SPC25: variants seen among roughly 807,000 people sequenced by gnomAD.
SPC25 encodes the protein SPC25 component of NDC80 kinetochore complex.
Under a neutral mutation model 29.6 loss-of-function variants are expected in SPC25, and 22 were observed. The observed-to-expected ratio is 0.74, with a 90% CI of 0.53 to 1.06. The LOEUF is 1.06. Among genes scored for constraint, SPC25 ranks in the 50% least tolerant of loss-of-function variants. SPC25 has a pLI of 0.00. For missense variants in SPC25, 230 were observed against 255.8 expected (o/e 0.90, Z 0.69); for synonymous variants, 91 against 90.4 (o/e 1.01, Z -0.04).
chr2:168,889,011 G>GTATATATATACACATATATATACATA (rs1559158647), intron 3 of SPC25, among the ~76,000 whole-genome samples: 1 of 98,814 alleles, frequency 1.0e-5, no homozygotes, highest in Non-Finnish European at 1.9e-5. Flanking sequence ...ACACATATAT[G>GTATATATATACACATATATATACATA]TATATATATA....
intron 3 of SPC25, among the ~76,000 whole-genome samples, chr2:168,881,303 C>T (rs1690174052): frequency 6.6e-6 from 1 of 152,204 alleles, no homozygotes; most frequent in Non-Finnish European, 1.5e-5. Context: ...TCTGCAACTA[C>T]CCACCCCTTT....
chr2:168,878,444 CA>C (rs1690124573), intron 3 of SPC25, among the ~76,000 whole-genome samples: 1 of 152,120 alleles, frequency 6.6e-6, no homozygotes, highest in South Asian at 2.1e-4. Context: ...AGAAACAAAT[CA>C]AAAACCTTTC....
chr2:168,886,255 T>C (rs1391289945), intron 3 of SPC25, among the ~76,000 whole-genome samples: 1 of 151,974 alleles, frequency 6.6e-6, no homozygotes, highest in East Asian at 1.9e-4. Flanking sequence ...AAGGTCTCAC[T>C]ATATTGCCCA....
intron 3 of SPC25, among the ~76,000 whole-genome samples, chr2:168,879,013 T>A (rs182266264): frequency 6.6e-6 from 1 of 152,342 alleles, no homozygotes; most frequent in East Asian, 1.9e-4. Context: ...CAAATGTACA[T>A]ATCTTAATTA....
At chr2:168,889,028 T>A (rs1690333672) in intron 3 of SPC25, among the ~76,000 whole-genome samples, 198 bp downstream of exon 3, 1 of 49,996 alleles carries the variant, frequency 2.0e-5, no homozygotes, top group Non-Finnish European at 4.0e-5. Flanking sequence ...TATACACATA[T>A]ATATACATAT....
At position 168,889,411 on chromosome 2, in the gene SPC25, T is replaced by TGTAG; in HGVS notation, c.105_108dup (p.Lys37LeufsTer24). On this transcript the variant is annotated frameshift_variant, in exon 2 of 7. Coordinates refer to ENST00000282074, the MANE Select transcript of SPC25 (RefSeq NM_020675.4). LOFTEE classifies it high-confidence loss of function. Reference sequence around the variant, plus strand: ...CCTGCAAATGCTTTGATGGAATCCTTGTAGGTATCTCTTAGTCCCGCCATC... The same window carrying TGTAG: ...CCTGCAAATGCTTTGATGGAATCCTTGTAGGTAGGTATCTCTTAGTCCCGCCATC... 6.2e-7 allele frequency: 1 copy of TGTAG among 1,614,168 alleles called. No individual in the cohort carries two copies. Among genetic ancestry groups the TGTAG allele is most frequent in the Non-Finnish European group, 8.5e-7 (1 of 1,180,026 alleles).
At chr2:168,876,555 TTTC>T (rs1690089889) in intron 4 of SPC25, among the ~76,000 whole-genome samples, 1 of 151,896 alleles carries the variant, frequency 6.6e-6, no homozygotes. Flanking sequence ...AACATAACTA[TTTC>T]TTATGAGAGG....
At chr2:168,890,282 G>T (rs1486914808) in intron 1 of SPC25, 36 bp downstream of exon 1, 2 of 953,064 alleles carry the variant, frequency 2.1e-6, no homozygotes, top group African/African-American at 1.8e-5. Context: ...GCGACAGGGG[G>T]GCCAAGGAGC....
downstream of SPC25, among the ~76,000 whole-genome samples, chr2:168,866,607 A>C (rs930728365): frequency 7.9e-5 from 12 of 152,144 alleles, no homozygotes; most frequent in African/African-American, 2.9e-4. Flanking sequence ...CAATGGCAAC[A>C]AAAGCCAAAA....
chr2:168,890,387 G>T lies in SPC25; in HGVS notation c.-84C>A. 1 of 985,434 alleles carries T rather than the reference G, an allele frequency of 1.0e-6. No individual in the cohort carries two copies. The highest frequency in any genetic ancestry group is 1.2e-6 in the Non-Finnish European group (1 of 829,974). The allele number at this position is 985,434 out of a possible 1,614,324, so 61.0% of individuals were successfully genotyped here. A position where few individuals can be genotyped will look rare whatever the true frequency, so the allele number is the denominator to read the frequency against. On this transcript the variant is annotated 5_prime_UTR_variant, in exon 1 of 7. Transcript: ENST00000282074. ...CCGCGCCCACTCTAGCCAACAGCCG[G>T]ACTCTAGGCTCAGCTCCCGCAGCCC...
intron 4 of SPC25, among the ~76,000 whole-genome samples, chr2:168,863,067 A>T (rs1421702197): frequency 6.6e-6 from 1 of 152,218 alleles, no homozygotes; most frequent in Non-Finnish European, 1.5e-5. Flanking sequence ...GAACCCATGG[A>T]TGCAGCATTT....
intron 4 of SPC25, chr2:168,864,773 A>G: frequency 6.3e-7 from 1 of 1,586,720 alleles, no homozygotes; most frequent in Non-Finnish European, 8.6e-7. Flanking sequence ...AACTCTTATC[A>G]ATCGGGCTGA....
chr2:168,877,338 C>T lies in SPC25; in HGVS notation c.246G>A (p.Leu82=). ...CTTTTACTTCAGCAATCAATTTTAACAAGTTATCCTTTTTTTCTTGAATGA... is the reference window on the plus strand; with the variant it reads ...CTTTTACTTCAGCAATCAATTTTAATAAGTTATCCTTTTTTTCTTGAATGA... The part of the protein sequence containing the change: ...NKLIQEKKDN[L]LKLIAEVKGK... Residue 82 remains leucine, a synonymous_variant, in exon 4 of 7, where the codon TTG becomes TTA. Transcript: ENST00000282074. 1 of 1,613,746 alleles carries T rather than the reference C, an allele frequency of 6.2e-7. No homozygotes were observed. The highest frequency in any genetic ancestry group is 8.5e-7 in the Non-Finnish European group (1 of 1,179,826).
At chr2:168,884,114 T>G (rs1420124136) in intron 3 of SPC25, among the ~76,000 whole-genome samples, 2 of 152,116 alleles carry the variant, frequency 1.3e-5, no homozygotes, top group Admixed American at 1.3e-4. Context: ...GCTGTCTTAT[T>G]CCCAGGACCG....
At chr2:168,865,104 C>T (rs779681317) in intron 4 of SPC25, 12 of 904,752 alleles carry the variant, frequency 1.3e-5, no homozygotes, top group Middle Eastern at 2.4e-4. Flanking sequence ...TGTCACAGCA[C>T]TTTGCATTCA....
chr2:168,879,592 G>A (rs1204504361), intron 3 of SPC25, among the ~76,000 whole-genome samples: 1 of 152,142 alleles, frequency 6.6e-6, no homozygotes, highest in Non-Finnish European at 1.5e-5. Flanking sequence ...AGTCATCCAT[G>A]AGGGTTAAAA....
At chr2:168,874,452 T>C (rs1690051592) in intron 5 of SPC25, among the ~76,000 whole-genome samples, 1 of 152,132 alleles carries the variant, frequency 6.6e-6, no homozygotes, top group Non-Finnish European at 1.5e-5. Context: ...GCATTATTCA[T>C]AGTAGCCAAA....
chr2:168,871,369 G>A lies in SPC25; in HGVS notation c.*62C>T, dbSNP rs865845923. Reference sequence around the variant, plus strand: ...TAAAGTATAATAATAATAAAAACAAGAAAAAAAGAGATATGTAATAGAGAA... The same window carrying A: ...TAAAGTATAATAATAATAAAAACAAAAAAAAAAGAGATATGTAATAGAGAA... On this transcript the variant is annotated 3_prime_UTR_variant, in exon 7 of 7. Coordinates refer to ENST00000282074, the MANE Select transcript of SPC25 (RefSeq NM_020675.4). 2.8e-4 allele frequency: 402 copies of A among 1,438,612 alleles called. 1 individual carries two copies. In the Middle Eastern group the frequency reaches 3.2e-3, roughly 11 times the overall value. 89.1% of individuals were successfully genotyped at this position (1,438,612 alleles called of 1,614,324 possible).
At chr2:168,865,259 G>A (rs1445231848) in intron 4 of SPC25, 3 of 283,534 alleles carry the variant, frequency 1.1e-5, no homozygotes, top group Non-Finnish European at 2.0e-5. Flanking sequence ...AGAAACAGAC[G>A]GAGTCCAAGG....
Sources: allele counts gnomAD v4.1 joint callset (sites outside exome capture counted in the v4.1 genomes callset), GRCh38; gene constraint gnomAD v4.1.1; transcripts MANE v1.5; gene names NCBI Gene and HGNC (gene_info 2026-07-23, HGNC 2026-07-21).